NKAIN2: variants seen among roughly 807,000 people sequenced by gnomAD.
NKAIN2 encodes sodium/potassium-transporting ATPase subunit beta-1-interacting protein 2.
Under a neutral mutation model 32.6 loss-of-function variants are expected in NKAIN2, and 14 were observed. The ratio of observed to expected loss-of-function variants is 0.43; its 90% CI spans 0.28 to 0.67. The LOEUF (loss-of-function observed/expected upper bound fraction) is 0.67. Among genes scored for constraint, NKAIN2 ranks in the 30% least tolerant of loss-of-function variants. The pLI is 0.17. For synonymous variants in NKAIN2, 80 were observed against 87.2 expected (o/e 0.92, Z 0.46); for missense variants, 198 against 258.3 (o/e 0.77, Z 1.60).
chr6:123,892,345 TC>T (rs1381334477), intron 1 of NKAIN2, among the ~76,000 whole-genome samples: 1 of 152,086 alleles, frequency 6.6e-6, no homozygotes, highest in Non-Finnish European at 1.5e-5. Context: ...TTTAATTGAC[TC>T]AGTTCCACAT....
chr6:123,998,741 C>G (rs199558923), intron 1 of NKAIN2, among the ~76,000 whole-genome samples: 7,247 of 132,350 alleles, frequency 0.055, 248 homozygotes, highest in East Asian at 0.21. Context: ...CTCTCTCTCT[C>G]TCTGTGTGTG....
Position 123,822,556 on chromosome 6 carries a change from A to G in NKAIN2, c.54+18302A>G, listed in dbSNP as rs115090647. On this transcript the variant is annotated intron_variant, in intron 1 of 6. Coordinates refer to ENST00000368417, the MANE Select transcript of NKAIN2 (RefSeq NM_001040214.3). ...CTAGTTGAGTATTAAAAAATGGGTA[A>G]CATTTACATGGTTTAAATCAGAGTT... is the stretch of plus-strand genomic sequence containing the variant. 2.0e-3 allele frequency among the ~76,000 whole-genome samples: 298 copies of G among 152,058 alleles called. 1 individual carries two copies. Among genetic ancestry groups the G allele is most frequent in the African/African-American group, 6.8e-3 (282 of 41,384 alleles).
At chr6:124,699,958 A>G (rs1774691864) in intron 4 of NKAIN2, among the ~76,000 whole-genome samples, 1 of 152,186 alleles carries the variant, frequency 6.6e-6, no homozygotes, top group Non-Finnish European at 1.5e-5. Context: ...TTTTGTCAAC[A>G]AACAAATGGG....
chr6:124,795,061 G>T lies in NKAIN2; in HGVS notation c.535+3662G>T, dbSNP rs538893415. On this transcript the variant is annotated intron_variant, in intron 5 of 6. Transcript: ENST00000368417. Reference sequence around the variant, plus strand: ...CTCTATGTGCCTATTTTTGCCCACTGTGGATTTGCAATAATGCATCATTAT... The same window carrying T: ...CTCTATGTGCCTATTTTTGCCCACTTTGGATTTGCAATAATGCATCATTAT... 1.2e-4 allele frequency among the ~76,000 whole-genome samples: 18 copies of T among 152,304 alleles called. No individual in the cohort carries two copies. In the South Asian group the frequency reaches 2.5e-3, roughly 21 times the overall value.
chr6:124,123,200 A>T (rs1785974488), intron 1 of NKAIN2, among the ~76,000 whole-genome samples: 1 of 152,048 alleles, frequency 6.6e-6, no homozygotes, highest in Non-Finnish European at 1.5e-5. Flanking sequence ...CACCTTAAAA[A>T]TTCCTGGTGC....
intron 2 of NKAIN2, among the ~76,000 whole-genome samples, chr6:124,317,037 T>C (rs918922712): frequency 6.6e-6 from 1 of 152,092 alleles, no homozygotes; most frequent in Non-Finnish European, 1.5e-5. Flanking sequence ...CGGTTGCATG[T>C]GCTTATAGTC....
At chr6:123,828,156 A>T (rs1390096365) in intron 1 of NKAIN2, among the ~76,000 whole-genome samples, 1 of 151,950 alleles carries the variant, frequency 6.6e-6, no homozygotes, top group Non-Finnish European at 1.5e-5. Flanking sequence ...CTTCCTCTGC[A>T]CTCACATAGT....
At chr6:124,471,497 A>C (rs1485768411) in intron 3 of NKAIN2, among the ~76,000 whole-genome samples, 1 of 152,160 alleles carries the variant, frequency 6.6e-6, no homozygotes, top group Admixed American at 6.6e-5. Context: ...TAGTCTCAAG[A>C]TGATTACATA....
intron 3 of NKAIN2, among the ~76,000 whole-genome samples, chr6:124,455,225 T>C (rs952543878): frequency 4.6e-5 from 7 of 152,124 alleles, no homozygotes; most frequent in African/African-American, 1.4e-4. Flanking sequence ...CATGTCCTTA[T>C]TGTCTAGAAA....
chr6:124,797,512 C>T (rs370285536), intron 5 of NKAIN2, among the ~76,000 whole-genome samples: 3 of 152,172 alleles, frequency 2.0e-5, no homozygotes, highest in Admixed American at 6.5e-5. Flanking sequence ...CAACCAAGCA[C>T]AAATGCATCA....
chr6:123,969,594 A>C (rs567021907), intron 1 of NKAIN2, among the ~76,000 whole-genome samples: 1 of 152,282 alleles, frequency 6.6e-6, no homozygotes, highest in Non-Finnish European at 1.5e-5. Context: ...CCAGAGCTTC[A>C]AATAGCATGC....
intron 1 of NKAIN2, among the ~76,000 whole-genome samples, chr6:124,024,218 C>T (rs536404774): frequency 1.3e-3 from 196 of 152,004 alleles, no homozygotes; most frequent in African/African-American, 4.4e-3. Context: ...GATTATATTC[C>T]CCTGATCCAG....
At chr6:123,839,151 A>C (rs1043411819) in intron 1 of NKAIN2, among the ~76,000 whole-genome samples, 3 of 151,906 alleles carry the variant, frequency 2.0e-5, no homozygotes, top group African/African-American at 7.3e-5. Flanking sequence ...AGAACAGAGC[A>C]TATCCTTCCC....
intron 1 of NKAIN2, among the ~76,000 whole-genome samples, chr6:123,918,783 AT>A (rs760854632): frequency 1.2e-4 from 19 of 152,148 alleles, no homozygotes; most frequent in Non-Finnish European, 2.5e-4. Context: ...AATAAGTGTA[AT>A]TCACTATATA....
chr6:124,216,820 G>T (rs896824847), intron 1 of NKAIN2, among the ~76,000 whole-genome samples: 1 of 152,088 alleles, frequency 6.6e-6, no homozygotes, highest in Non-Finnish European at 1.5e-5. Flanking sequence ...GTGATCAGAG[G>T]CTCACAGAAA....
At chr6:124,397,165 TATA>T (rs1364550870) in intron 3 of NKAIN2, among the ~76,000 whole-genome samples, 5 of 152,020 alleles carry the variant, frequency 3.3e-5, no homozygotes, top group South Asian at 2.1e-4. Flanking sequence ...TAAAGAAAAT[TATA>T]ATGATGGTTT....
chr6:124,080,769 T>G (rs1403652607), intron 1 of NKAIN2, among the ~76,000 whole-genome samples: 1 of 152,116 alleles, frequency 6.6e-6, no homozygotes, highest in Non-Finnish European at 1.5e-5. Context: ...TAGAAGGCCT[T>G]TTATATCCTC....
intron 4 of NKAIN2, among the ~76,000 whole-genome samples, chr6:124,734,830 C>T (rs949415264): frequency 2.0e-5 from 3 of 151,790 alleles, no homozygotes; most frequent in African/African-American, 4.8e-5. Flanking sequence ...TGATCCTGTT[C>T]CTGGAAAAAA....
intron 4 of NKAIN2, among the ~76,000 whole-genome samples, chr6:124,730,752 C>T (rs1776623041): frequency 1.3e-5 from 2 of 151,966 alleles, no homozygotes; most frequent in East Asian, 3.9e-4. Context: ...GCAAAAGAAA[C>T]TACCATCAGA....
Sources: allele counts gnomAD v4.1 joint callset (sites outside exome capture counted in the v4.1 genomes callset), GRCh38; gene constraint gnomAD v4.1.1; transcripts MANE v1.5; gene names NCBI Gene and HGNC (gene_info 2026-07-23, HGNC 2026-07-21).